RIN3: variants seen among roughly 807,000 people sequenced by gnomAD.
RIN3 encodes Ras and Rab interactor 3.
A neutral mutation model predicts 76.3 loss-of-function variants in RIN3; 54 were observed. That is an observed-to-expected ratio of 0.71 (90% CI 0.57 to 0.89). RIN3 has a LOEUF of 0.89. RIN3 is among the 40% of genes least tolerant of loss of function. RIN3 has a pLI of 0.00. For synonymous variants in RIN3, 576 were observed against 564.0 expected (o/e 1.02, Z -0.30); for missense variants, 1,256 against 1,322.1 (o/e 0.95, Z 0.78).
At chr14:92,642,365 G>A (rs1887047124) in intron 5 of RIN3, among the ~76,000 whole-genome samples, 1 of 152,078 alleles carries the variant, frequency 6.6e-6, no homozygotes, top group South Asian at 2.1e-4. Context: ...CCAAAGTGCT[G>A]GAATTACAGG....
chr14:92,533,691 A>G (rs1203274361), intron 1 of RIN3, among the ~76,000 whole-genome samples: 3 of 152,166 alleles, frequency 2.0e-5, no homozygotes, highest in East Asian at 1.9e-4. Flanking sequence ...CATAAGAATA[A>G]TACAATGGAC....
chr14:92,554,347 G>A (rs1595410923), intron 1 of RIN3, among the ~76,000 whole-genome samples: 1 of 152,176 alleles, frequency 6.6e-6, no homozygotes, highest in South Asian at 2.1e-4. Context: ...GTGAACAGTA[G>A]GCAGTGCTCA....
At chr14:92,608,203 T>C (rs1885598019) in intron 3 of RIN3, among the ~76,000 whole-genome samples, 1 of 152,208 alleles carries the variant, frequency 6.6e-6, no homozygotes, top group Non-Finnish European at 1.5e-5. Context: ...ATCTGGGGAT[T>C]GCATTGAGGT....
chr14:92,688,687 T>C lies in RIN3; in HGVS notation c.*435T>C, dbSNP rs144550642. On this transcript the variant is annotated 3_prime_UTR_variant, in exon 10 of 10. Transcript: ENST00000216487. ...GAGCACCGGCCACAGCTGCTCCCCG[T>C]GCCACTCAGGGTGGACCCAGCATCT... 0.013 allele frequency: 2,415 copies of C among 179,476 alleles called. 64 individuals are homozygous for C. The highest frequency in any genetic ancestry group is 0.055 in the African/African-American group (2,307 of 42,060). 11.1% of individuals were successfully genotyped at this position (179,476 alleles called of 1,614,324 possible).
chr14:92,590,245 A>G (rs1884932984), intron 3 of RIN3, among the ~76,000 whole-genome samples: 1 of 152,232 alleles, frequency 6.6e-6, no homozygotes, highest in African/African-American at 2.4e-5. Flanking sequence ...ATGCCAGAGC[A>G]GTCTGTTCTT....
intron 2 of RIN3, among the ~76,000 whole-genome samples, chr14:92,560,188 G>A (rs1008111238): frequency 2.0e-5 from 3 of 152,242 alleles, no homozygotes; most frequent in South Asian, 2.1e-4. Context: ...CCAGGCTGCC[G>A]AGGCCCAGAG....
chr14:92,611,978 T>A (rs1183348680), intron 3 of RIN3, among the ~76,000 whole-genome samples: 1 of 151,894 alleles, frequency 6.6e-6, no homozygotes, highest in African/African-American at 2.4e-5. Flanking sequence ...CAGAGCAAGG[T>A]GGGGGGCAGG....
At chr14:92,552,864 G>C (rs1469610957) in intron 1 of RIN3, among the ~76,000 whole-genome samples, 1 of 151,842 alleles carries the variant, frequency 6.6e-6, no homozygotes, top group Non-Finnish European at 1.5e-5. Context: ...TGAAGGTTTT[G>C]GGTTTTTTTT....
At chr14:92,638,066 C>T (rs970545741) in intron 4 of RIN3, among the ~76,000 whole-genome samples, 5 of 152,178 alleles carry the variant, frequency 3.3e-5, no homozygotes, top group South Asian at 4.1e-4. Context: ...CAAACACCCA[C>T]GTCCTGTGTG....
At chr14:92,601,519 G>A (rs1188248552) in intron 3 of RIN3, among the ~76,000 whole-genome samples, 1 of 152,166 alleles carries the variant, frequency 6.6e-6, no homozygotes, top group Non-Finnish European at 1.5e-5. Context: ...GTATTTTCTG[G>A]ACAGTCTTGG....
intron 2 of RIN3, among the ~76,000 whole-genome samples, chr14:92,556,483 TAG>T (rs1566841114): frequency 6.6e-6 from 1 of 152,084 alleles, no homozygotes; most frequent in Non-Finnish European, 1.5e-5. Flanking sequence ...TGCTTTGAAA[TAG>T]GGGCATTCAC....
chr14:92,592,424 G>A (rs912498354), intron 3 of RIN3, among the ~76,000 whole-genome samples: 7 of 148,972 alleles, frequency 4.7e-5, no homozygotes, highest in South Asian at 2.1e-4. Flanking sequence ...AAAAGGTACA[G>A]TTGTTCCTTG....
chr14:92,537,972 G>T (rs1376454913), intron 1 of RIN3, among the ~76,000 whole-genome samples: 1 of 152,114 alleles, frequency 6.6e-6, no homozygotes, highest in Admixed American at 6.6e-5. Context: ...AAGTAGCTGG[G>T]ACTACAGGCG....
intron 1 of RIN3, among the ~76,000 whole-genome samples, chr14:92,516,617 GC>G (rs374303463): frequency 2.0e-5 from 3 of 152,042 alleles, no homozygotes; most frequent in South Asian, 2.1e-4. Flanking sequence ...CTGCTCTCCT[GC>G]CCCCCCACCC....
chr14:92,668,414 A>G (rs1270349771), intron 7 of RIN3, among the ~76,000 whole-genome samples: 1 of 152,224 alleles, frequency 6.6e-6, no homozygotes, highest in African/African-American at 2.4e-5. Flanking sequence ...CAGAGCCCAC[A>G]GCCTGTGTAG....
At chr14:92,539,184 TG>T (rs1478775247) in intron 1 of RIN3, among the ~76,000 whole-genome samples, 2 of 149,536 alleles carry the variant, frequency 1.3e-5, no homozygotes, top group Non-Finnish European at 3.0e-5. Flanking sequence ...GATCTTGGGG[TG>T]GGGGGGATGT....
In RIN3 at chr14:92,550,186, G is replaced by A. The variant is rs75933131; in HGVS notation, c.45-5565G>A. 1.3e-3 allele frequency among the ~76,000 whole-genome samples: 192 copies of A among 152,292 alleles called. 4 individuals are homozygous for A. In the East Asian group the frequency reaches 0.035, roughly 28 times the overall value. ...TTGCCACAAGTCACTTCAATCAAAT[G>A]TGCCTAGTCCCAAAATCAAGGTTTT... On this transcript the variant is annotated intron_variant, in intron 1 of 9. Coordinates refer to ENST00000216487, the MANE Select transcript of RIN3 (RefSeq NM_024832.5).
intron 8 of RIN3, among the ~76,000 whole-genome samples, chr14:92,677,176 A>C (rs1455159663): frequency 6.6e-6 from 1 of 152,176 alleles, no homozygotes; most frequent in Non-Finnish European, 1.5e-5. Context: ...ATGAGTAAGA[A>C]GCCCTGTGCT....
intron 3 of RIN3, among the ~76,000 whole-genome samples, chr14:92,599,200 G>A (rs1454206215): frequency 6.6e-6 from 1 of 152,114 alleles, no homozygotes; most frequent in Non-Finnish European, 1.5e-5. Context: ...ATTAAGTGTG[G>A]GGGCACGATC....
Sources: gnomAD v4.1 joint callset for allele counts (sites outside exome capture counted in the v4.1 genomes callset) on GRCh38, gnomAD v4.1.1 for gene constraint, MANE v1.5 for transcripts, NCBI Gene and HGNC (gene_info 2026-07-23, HGNC 2026-07-21) for gene names.